CD44: variants seen among roughly 807,000 people sequenced by gnomAD.
The protein encoded by CD44 is CD44 molecule (IN blood group).
In CD44, 49 loss-of-function variants were observed where a neutral mutation model predicts 88.8. That is an observed-to-expected ratio of 0.55 (90% CI 0.44 to 0.70). The LOEUF (loss-of-function observed/expected upper bound fraction) is 0.70. Among genes scored for constraint, CD44 ranks in the 30% least tolerant of loss-of-function variants. CD44 has a pLI of 0.00. For synonymous variants in CD44, 325 were observed against 312.3 expected, an observed-to-expected ratio of 1.04 and a Z score of -0.43; for missense variants, 883 against 913.8, an observed-to-expected ratio of 0.97 and a Z score of 0.43.
intron 3 of CD44, among the ~76,000 whole-genome samples, chr11:35,185,841 G>A (rs1177809548): frequency 2.6e-5 from 4 of 152,170 alleles, no homozygotes; most frequent in African/African-American, 7.2e-5. Context: ...ATGAATAGAA[G>A]GTTGCTTCAG....
intron 1 of CD44, among the ~76,000 whole-genome samples, chr11:35,164,855 G>C (rs1943086396): frequency 6.6e-6 from 1 of 152,174 alleles, no homozygotes; most frequent in Non-Finnish European, 1.5e-5. Context: ...TGCAGCCTTT[G>C]AGCTGTACTA....
intron 4 of CD44, among the ~76,000 whole-genome samples, chr11:35,188,212 C>G (rs1372918070): frequency 1.3e-5 from 2 of 152,158 alleles, no homozygotes. Context: ...CTTCGTAGAC[C>G]ATACAAACCC....
intron 1 of CD44, among the ~76,000 whole-genome samples, chr11:35,148,362 A>G (rs1260230027): frequency 6.6e-6 from 1 of 152,208 alleles, no homozygotes; most frequent in Non-Finnish European, 1.5e-5. Flanking sequence ...CTGGGCCCAC[A>G]TCTGCCTGCA....
At chr11:35,140,273 T>C (rs1339642931) in intron 1 of CD44, among the ~76,000 whole-genome samples, 2 of 152,218 alleles carry the variant, frequency 1.3e-5, no homozygotes, top group East Asian at 3.8e-4. Context: ...GTGTAAGGTA[T>C]ATTCTAGCAC....
At chr11:35,142,198 T>C (rs528659270) in intron 1 of CD44, among the ~76,000 whole-genome samples, 2 of 152,034 alleles carry the variant, frequency 1.3e-5, no homozygotes, top group South Asian at 2.1e-4. Context: ...TTAATTATTA[T>C]TATACTTTAA....
intron 4 of CD44, among the ~76,000 whole-genome samples, 193 bp downstream of exon 4, chr11:35,187,093 C>T (rs189731729): frequency 3.3e-5 from 5 of 151,922 alleles, no homozygotes; most frequent in African/African-American, 4.8e-5. Flanking sequence ...AACAATATGG[C>T]GAAACCTTAT....
At chr11:35,158,150 A>G (rs1942148131) in intron 1 of CD44, among the ~76,000 whole-genome samples, 1 of 152,218 alleles carries the variant, frequency 6.6e-6, no homozygotes, top group South Asian at 2.1e-4. Flanking sequence ...CTCCAAAAGT[A>G]GCTTCCCAGA....
At chr11:35,227,055 C>T (rs1037514369) in intron 17 of CD44, among the ~76,000 whole-genome samples, 2 of 151,912 alleles carry the variant, frequency 1.3e-5, no homozygotes, top group African/African-American at 4.8e-5. Flanking sequence ...CCATGACCGG[C>T]TAATTTTTGT....
intron 17 of CD44, 43 bp downstream of exon 17, chr11:35,221,775 A>G: frequency 6.6e-7 from 1 of 1,524,878 alleles, no homozygotes; most frequent in Non-Finnish European, 9.1e-7. Context: ...AAAGGGCATC[A>G]TTTAAACCTG....
At chr11:35,203,251 G>A (rs1346148027) in intron 9 of CD44, among the ~76,000 whole-genome samples, 3 of 152,118 alleles carry the variant, frequency 2.0e-5, no homozygotes, top group Non-Finnish European at 4.4e-5. Context: ...AAACAATTAA[G>A]AGTTATGGGT....
chr11:35,166,565 C>G (rs1373916561), intron 1 of CD44, among the ~76,000 whole-genome samples: 1 of 152,136 alleles, frequency 6.6e-6, no homozygotes, highest in South Asian at 2.1e-4. Context: ...CTAGGAGAAC[C>G]CTTGGGATTC....
chr11:35,219,872 T>C (rs1949146834), intron 16 of CD44, among the ~76,000 whole-genome samples: 1 of 152,202 alleles, frequency 6.6e-6, no homozygotes, highest in South Asian at 2.1e-4. Flanking sequence ...TAATTTTTTT[T>C]TGGTCGAGGG....
chr11:35,168,091 C>T (rs1943500423), intron 1 of CD44, among the ~76,000 whole-genome samples: 1 of 152,184 alleles, frequency 6.6e-6, no homozygotes, highest in Admixed American at 6.5e-5. Context: ...CCTTACCAGG[C>T]CTTGGTAAAG....
chr11:35,223,054 A>G (rs1949432212), intron 17 of CD44: 2 of 985,296 alleles, frequency 2.0e-6, no homozygotes, highest in Admixed American at 6.1e-5. Flanking sequence ...CAAGTTAATA[A>G]AAGTGCCATG....
chr11:35,175,476 A>G (rs959750447), intron 1 of CD44, among the ~76,000 whole-genome samples: 3 of 152,204 alleles, frequency 2.0e-5, no homozygotes, highest in African/African-American at 7.2e-5. Flanking sequence ...GTGTATGTGT[A>G]TATAGATACA....
rs1443628476 is a variant in CD44, at chr11:35,189,385, G to A, written c.437-450G>A. Among the ~76,000 whole-genome samples, 7 of 152,158 alleles carry A rather than the reference G, an allele frequency of 4.6e-5. No homozygotes were observed. In the East Asian group the frequency reaches 7.7e-4, roughly 17 times the overall value. On this transcript the variant is annotated intron_variant, in intron 4 of 17. Coordinates refer to ENST00000428726, the MANE Select transcript of CD44 (RefSeq NM_000610.4). Reference sequence around the variant, plus strand: ...TAGTCTGCTACTTCAAATCCTTTTCGGAGGAATATATGGAATTAATAGCAA... The same window carrying A: ...TAGTCTGCTACTTCAAATCCTTTTCAGAGGAATATATGGAATTAATAGCAA...
chr11:35,182,552 C>G (rs1303531429), intron 3 of CD44, among the ~76,000 whole-genome samples: 1 of 152,168 alleles, frequency 6.6e-6, no homozygotes, highest in African/African-American at 2.4e-5. Flanking sequence ...CATACATACT[C>G]AGTTCCCATA....
chr11:35,158,489 A>AGTTGTGCAAG (rs1303644142), intron 1 of CD44, among the ~76,000 whole-genome samples: 10 of 152,192 alleles, frequency 6.6e-5, no homozygotes, highest in Non-Finnish European at 1.2e-4. Context: ...CCTATGGCTT[A>AGTTGTGCAAG]GAGTTGTGTA....
In CD44 at chr11:35,211,235, C is replaced by T; in HGVS notation, c.1607-11C>T. On this transcript the variant is annotated splice_polypyrimidine_tract_variant and intron_variant, in intron 13 of 17. Coordinates refer to ENST00000428726, the MANE Select transcript of CD44 (RefSeq NM_000610.4). ...AAATACGGGTTCATCACTGATTCCA[C>T]CTCCACACAGATAGGAATGATGTCA... The T allele has an allele frequency of 6.2e-7, 1 of 1,609,414 alleles. No individual in the cohort carries two copies. The highest frequency in any genetic ancestry group is 8.5e-7 in the Non-Finnish European group (1 of 1,175,882).
Sources: allele counts gnomAD v4.1 joint callset (sites outside exome capture counted in the v4.1 genomes callset), GRCh38; gene constraint gnomAD v4.1.1; transcripts MANE v1.5; gene names NCBI Gene and HGNC (gene_info 2026-07-23, HGNC 2026-07-21).